The following STK38 variants were observed in gnomAD, a reference collection of about 807,000 sequenced individuals.
STK38 encodes serine/threonine kinase 38.
STK38 carries 26 observed loss-of-function variants against 59.0 expected under a neutral mutation model. The ratio of observed to expected loss-of-function variants is 0.44; its 90% confidence interval spans 0.32 to 0.61. The LOEUF (loss-of-function observed/expected upper bound fraction) is 0.61. Among genes scored for constraint, STK38 ranks in the 20% least tolerant of loss-of-function variants. The probability of loss-of-function intolerance (pLI) is 0.04; values close to 1 mark genes in which losing one functional copy is unlikely to be tolerated. For missense variants in STK38, 433 were observed against 566.0 expected, an observed-to-expected ratio of 0.76 and a Z score of 2.38; for synonymous variants, 175 against 176.6, an observed-to-expected ratio of 0.99 and a Z score of 0.07.
Position 36,547,383 on chromosome 6 carries a change from AC to A in STK38, c.-200del, listed in dbSNP as rs916858599. On this transcript the variant is annotated 5_prime_UTR_variant, in exon 1 of 14. It introduces an in-frame stop codon into an upstream open reading frame of the 5' UTR. Transcript: ENST00000229812. ...GGTGAGGACAACAGGAAGCGTTCCA[AC>A]TGCCGGAAAAGACGCGAGCGCTGAG... The A allele has an allele frequency of 7.7e-4, 118 of 152,470 alleles. No individual in the cohort carries two copies. Among genetic ancestry groups the A allele is most frequent in the African/African-American group, 2.8e-3 (116 of 41,584 alleles). 9.4% of individuals were successfully genotyped at this position (152,470 alleles called of 1,614,324 possible).
chr6:36,505,315 C>T (rs1412130453), intron 9 of STK38, among the ~76,000 whole-genome samples: 1 of 152,220 alleles, frequency 6.6e-6, no homozygotes, highest in East Asian at 1.9e-4. Flanking sequence ...TTTTCAACCA[C>T]ATACAGAATT....
intron 7 of STK38, among the ~76,000 whole-genome samples, chr6:36,509,657 C>T (rs1777057396): frequency 6.6e-6 from 1 of 152,084 alleles, no homozygotes. Context: ...CACAATGACT[C>T]AAGGCCTTTG....
At chr6:36,538,914 G>GAAAAAAAAAAAAAAAA (rs1777863730) in intron 2 of STK38, among the ~76,000 whole-genome samples, 1 of 137,500 alleles carries the variant, frequency 7.3e-6, no homozygotes. Flanking sequence ...AAAAAAAAAG[G>GAAAAAAAAAAAAAAAA]AAATTAAGAT....
At chr6:36,518,968 C>A (rs1365671862) in intron 5 of STK38, among the ~76,000 whole-genome samples, 1 of 152,180 alleles carries the variant, frequency 6.6e-6, no homozygotes, top group Admixed American at 6.5e-5. Context: ...TGATATGATG[C>A]TTGTTTTATT....
chr6:36,538,548 T>G (rs1019323055), intron 2 of STK38, among the ~76,000 whole-genome samples: 1 of 152,162 alleles, frequency 6.6e-6, no homozygotes, highest in African/African-American at 2.4e-5. Flanking sequence ...CTAGTTAATG[T>G]TATATAAGCA....
chr6:36,502,916 A>T (rs1451966303), intron 9 of STK38, among the ~76,000 whole-genome samples: 1 of 152,204 alleles, frequency 6.6e-6, no homozygotes, highest in Non-Finnish European at 1.5e-5. Flanking sequence ...TTTGTTTCTA[A>T]AATTGATTCA....
intron 13 of STK38, among the ~76,000 whole-genome samples, 180 bp downstream of exon 13, chr6:36,496,531 A>G (rs1266929392): frequency 2.0e-5 from 3 of 152,104 alleles, no homozygotes; most frequent in Non-Finnish European, 4.4e-5. Flanking sequence ...GCTGATACTC[A>G]TTTTCCATTC....
chr6:36,497,499 C>A (rs538077253), intron 12 of STK38, among the ~76,000 whole-genome samples: 1 of 152,330 alleles, frequency 6.6e-6, no homozygotes, highest in East Asian at 1.9e-4. Context: ...TTGCTGAGTT[C>A]TAGGTAAAGG....
rs946570422 is a variant in STK38, at chr6:36,497,268, A to C, written c.1173-463T>G. On this transcript the variant is annotated intron_variant, in intron 12 of 13. Coordinates refer to ENST00000229812, the MANE Select transcript of STK38 (RefSeq NM_007271.4). ...AAACTTCACCTTCTATTTAATAACC[A>C]ATGAATGCTGAATGAGAAGGTCTGG... Among the ~76,000 whole-genome samples the C allele has an allele frequency of 2.6e-5, 4 of 152,256 alleles. No homozygotes were observed. The East Asian group carries it at 7.7e-4, about 29-fold the overall frequency.
intron 7 of STK38, among the ~76,000 whole-genome samples, chr6:36,509,418 G>C (rs1208286747): frequency 6.6e-6 from 1 of 152,178 alleles, no homozygotes; most frequent in African/African-American, 2.4e-5. Context: ...CTTCTTAGAA[G>C]GCTGGGAAGT....
At chr6:36,543,924 G>A (rs1022415184) in intron 1 of STK38, among the ~76,000 whole-genome samples, 2 of 152,124 alleles carry the variant, frequency 1.3e-5, no homozygotes, top group African/African-American at 4.8e-5. Flanking sequence ...ATAAGCCACC[G>A]CACCCAGCCA....
intron 2 of STK38, among the ~76,000 whole-genome samples, chr6:36,535,562 C>A (rs933990504): frequency 6.6e-6 from 1 of 152,048 alleles, no homozygotes; most frequent in African/African-American, 2.4e-5. Context: ...ACGAACTGAT[C>A]TACAGAGTCA....
intron 2 of STK38, among the ~76,000 whole-genome samples, chr6:36,532,151 T>C (rs942493317): frequency 6.6e-6 from 1 of 151,878 alleles, no homozygotes; most frequent in Non-Finnish European, 1.5e-5. Context: ...ATCAAAAAGG[T>C]TGCAAACTCA....
intron 2 of STK38, 30 bp downstream of exon 2, chr6:36,540,042 G>A: frequency 6.2e-7 from 1 of 1,611,922 alleles, no homozygotes; most frequent in South Asian, 1.1e-5. Context: ...CCACAACCAT[G>A]ACACAATTTT....
intron 1 of STK38, among the ~76,000 whole-genome samples, chr6:36,545,487 T>C (rs1342040936): frequency 6.6e-6 from 1 of 152,070 alleles, no homozygotes; most frequent in Non-Finnish European, 1.5e-5. Flanking sequence ...TTTTCAACTT[T>C]TAGAGTTTCT....
At chr6:36,546,884 C>A (rs1778064343) in intron 1 of STK38, among the ~76,000 whole-genome samples, 1 of 151,982 alleles carries the variant, frequency 6.6e-6, no homozygotes, top group Non-Finnish European at 1.5e-5. Context: ...AGGGAGCAGA[C>A]AAAGGTGGCA....
At chr6:36,525,020 T>G (rs545177587) in intron 3 of STK38, among the ~76,000 whole-genome samples, 1 of 152,198 alleles carries the variant, frequency 6.6e-6, no homozygotes, top group Admixed American at 6.5e-5. Context: ...TGATTTGAGA[T>G]GGATATTTTG....
chr6:36,532,435 A>G (rs1777687814), intron 2 of STK38, among the ~76,000 whole-genome samples: 1 of 152,020 alleles, frequency 6.6e-6, no homozygotes, highest in Non-Finnish European at 1.5e-5. Flanking sequence ...TGAAAGTCTT[A>G]TTGAGCTGTA....
intron 10 of STK38, 101 bp from the exon 11 acceptor site, chr6:36,498,587 T>C (rs1776763137): frequency 6.8e-6 from 9 of 1,326,374 alleles, no homozygotes; most frequent in South Asian, 1.5e-5. Flanking sequence ...TTTTTCTTTT[T>C]TCTTTTTTTT....
Sources: allele counts gnomAD v4.1 joint callset (sites outside exome capture counted in the v4.1 genomes callset), GRCh38; gene constraint gnomAD v4.1.1; transcripts MANE v1.5; gene names NCBI Gene and HGNC (gene_info 2026-07-23, HGNC 2026-07-21).